The following CELF2 variants were observed in gnomAD, a reference collection of about 807,000 sequenced individuals.
CELF2 encodes the protein CUGBP Elav-like family member 2, also known as CUG triplet repeat RNA-binding protein 2.
A neutral mutation model predicts 62.6 loss-of-function variants in CELF2; 8 were observed. That is an observed-to-expected ratio of 0.13 (90% CI 0.07 to 0.23). The LOEUF is 0.23. Among genes scored for constraint, CELF2 ranks in the 10% least tolerant of loss-of-function variants. The pLI, the probability that CELF2 is intolerant of heterozygous loss-of-function variation, is 1.00. For synonymous variants in CELF2, 258 were observed against 250.0 expected, an observed-to-expected ratio of 1.03 and a Z score of -0.30; for missense variants, 333 against 671.0, an observed-to-expected ratio of 0.50 and a Z score of 5.56.
chr10:10,646,118 G>A, the CELF2 span, among the ~76,000 whole-genome samples: 3 of 152,206 alleles, frequency 2.0e-5, no homozygotes, highest in Non-Finnish European at 2.9e-5. Context: ...TACTAGGCAT[G>A]TGTTGGTCTG....
At position 11,247,452 on chromosome 10, in the gene CELF2, C is replaced by T. The variant is rs140745626; in HGVS notation, c.355-1701C>T. On this transcript the variant is annotated intron_variant, in intron 3 of 12. Coordinates refer to ENST00000633077, the MANE Select transcript of CELF2 (RefSeq NM_001326342.2). The surrounding 1 kb of genome is among the most constrained non-coding windows in gnomAD (Gnocchi z 5.4). The stretch of plus-strand genomic sequence containing the variant: ...GCCCAGATGCAGCCTTGGCTTTCCT[C>T]GCCAGGCAGGATTAAGTCCCACACC... Among the ~76,000 whole-genome samples, 256 of 152,334 alleles carry T rather than the reference C, an allele frequency of 1.7e-3. 2 individuals are homozygous for T. Among genetic ancestry groups the T allele is most frequent in the African/African-American group, 5.7e-3 (237 of 41,574 alleles).
Position 11,260,903 on chromosome 10 carries a change from G to C in CELF2, c.538+3031G>C, listed in dbSNP as rs937273216. On this transcript the variant is annotated intron_variant, in intron 5 of 12. Coordinates refer to ENST00000633077, the MANE Select transcript of CELF2 (RefSeq NM_001326342.2). The surrounding 1 kb of genome is among the most constrained non-coding windows in gnomAD (Gnocchi z 4.2). ...ATGCTACCATTTTGCTTTCATTAAA[G>C]AATTGCAGTTTTGAATCAAATATTA... is the stretch of plus-strand genomic sequence containing the variant. Among the ~76,000 whole-genome samples the C allele has an allele frequency of 6.6e-6, 1 of 152,138 alleles. No individual in the cohort carries two copies. The highest frequency in any genetic ancestry group is 6.5e-5 in the Admixed American group (1 of 15,272).
intron 1 of CELF2, among the ~76,000 whole-genome samples, chr10:11,078,258 G>T (rs970386052): frequency 6.6e-6 from 1 of 151,646 alleles, no homozygotes; most frequent in South Asian, 2.1e-4. Context: ...GTGGTGGGGG[G>T]CGGAATGTAT....
the CELF2 span, among the ~76,000 whole-genome samples, chr10:10,502,748 T>G: frequency 6.6e-6 from 1 of 151,938 alleles, no homozygotes; most frequent in Non-Finnish European, 1.5e-5. Context: ...TTTAATGATT[T>G]CTGCTCTTTA....
rs563832600 is a variant in CELF2, at chr10:11,149,065, G to T, written c.75-16421G>T. 9.2e-5 allele frequency among the ~76,000 whole-genome samples: 14 copies of T among 152,182 alleles called. No individual in the cohort carries two copies. The East Asian group carries it at 2.7e-3, about 29-fold the overall frequency. On this transcript the variant is annotated intron_variant, in intron 1 of 12. Transcript: ENST00000633077. ...TCCCTGCCACCACACTGGCATTATT[G>T]ACAGGTGTTTTTTTTTCTTTCCCAA...
chr10:11,054,469 AAAC>A (rs2064707469), intron 1 of CELF2, among the ~76,000 whole-genome samples: 1 of 144,158 alleles, frequency 6.9e-6, no homozygotes, highest in Non-Finnish European at 1.5e-5. Context: ...TTAAAGAAGA[AAAC>A]AACTGTGTAT....
At chr10:10,619,953 G>A in the CELF2 span, among the ~76,000 whole-genome samples, 1 of 152,108 alleles carries the variant, frequency 6.6e-6, no homozygotes, top group African/African-American at 2.4e-5. Context: ...GCCCTAAGAG[G>A]TAAAATGGCT....
At chr10:10,544,709 C>A in the CELF2 span, among the ~76,000 whole-genome samples, 1 of 152,160 alleles carries the variant, frequency 6.6e-6, no homozygotes, top group Non-Finnish European at 1.5e-5. Context: ...ACCACTGTTA[C>A]CAACTTCCCA....
chr10:11,013,505 C>G (rs1388168438), upstream of CELF2, among the ~76,000 whole-genome samples: 2 of 152,074 alleles, frequency 1.3e-5, no homozygotes, highest in Admixed American at 1.3e-4. This position sits in a 1 kb window ranked among gnomAD's most constrained non-coding sequence, Gnocchi z 4.1. Context: ...TTGAAGGCCT[C>G]TTCACAAGGG....
upstream of CELF2, among the ~76,000 whole-genome samples, chr10:11,015,456 C>G (rs1408974897): frequency 6.6e-6 from 1 of 152,166 alleles, no homozygotes; most frequent in Non-Finnish European, 1.5e-5. The surrounding 1 kb of genome is among the most constrained non-coding windows in gnomAD (Gnocchi z 4.8). Flanking sequence ...CCTCTGGTAT[C>G]TACATCAAGT....
At chr10:10,694,262 G>T in the CELF2 span, among the ~76,000 whole-genome samples, 1 of 151,918 alleles carries the variant, frequency 6.6e-6, no homozygotes, top group African/African-American at 2.4e-5. Context: ...CCTTCATTTC[G>T]TTGTGTACCC....
At chr10:10,654,434 A>G in the CELF2 span, among the ~76,000 whole-genome samples, 2 of 112,560 alleles carry the variant, frequency 1.8e-5, 1 homozygote, top group African/African-American at 6.6e-5. Flanking sequence ...ATTTTAGACC[A>G]ATATCCTTGA....
chr10:11,022,763 A>G (rs971892474), intron 1 of CELF2, among the ~76,000 whole-genome samples: 6 of 152,186 alleles, frequency 3.9e-5, no homozygotes, highest in African/African-American at 1.4e-4. Flanking sequence ...AGCGCCCAAT[A>G]TGACCCAGCT....
At position 11,044,034 on chromosome 10, in the gene CELF2, T is replaced by C. The variant is rs115626965; in HGVS notation, c.74+25871T>C. Among the ~76,000 whole-genome samples the C allele has an allele frequency of 7.4e-3, 1,128 of 152,304 alleles. 9 individuals carry two copies. The highest frequency in any genetic ancestry group is 0.025 in the African/African-American group (1,027 of 41,540). On this transcript the variant is annotated intron_variant, in intron 1 of 12. Coordinates refer to ENST00000633077, the MANE Select transcript of CELF2 (RefSeq NM_001326342.2). Reference sequence around the variant, plus strand: ...TCGCTCTTCTCTCTGCCCTGAACCCTCTTCCCTCAGTTGTGGGCACGGCCT... The same window carrying C: ...TCGCTCTTCTCTCTGCCCTGAACCCCCTTCCCTCAGTTGTGGGCACGGCCT...
the CELF2 span, among the ~76,000 whole-genome samples, chr10:10,669,020 T>G: frequency 6.6e-6 from 1 of 152,248 alleles, no homozygotes; most frequent in Middle Eastern, 3.4e-3. Flanking sequence ...TGAATATTAG[T>G]TGGTTTGTCC....
At position 11,332,162 on chromosome 10, in the gene CELF2, A is replaced by G. The variant is rs1474459493; in HGVS notation, c.*3109A>G. On this transcript the variant is annotated 3_prime_UTR_variant, in exon 13 of 13. Transcript: ENST00000633077. ...AGTAATTGGATAAACCCTGAGGGAA[A>G]ACGGAGGTAGATTCAGCACCTAACA... is the stretch of plus-strand genomic sequence containing the variant. 1 of 152,230 alleles carries G rather than the reference A, an allele frequency of 6.6e-6. No homozygotes were observed. The highest frequency in any genetic ancestry group is 1.5e-5 in the Non-Finnish European group (1 of 68,032). 9.4% of individuals were successfully genotyped at this position (152,230 alleles called of 1,614,324 possible).
At chr10:10,523,435 G>A in the CELF2 span, among the ~76,000 whole-genome samples, 2 of 152,130 alleles carry the variant, frequency 1.3e-5, no homozygotes, top group East Asian at 3.9e-4. Flanking sequence ...CAGTCAGGAG[G>A]TGACCTGTCA....
chr10:10,497,205 AGAT>A, the CELF2 span, among the ~76,000 whole-genome samples: 1 of 129,418 alleles, frequency 7.7e-6, no homozygotes. Context: ...AAAAAAAAAA[AGAT>A]AAAAAGAAAA....
the CELF2 span, among the ~76,000 whole-genome samples, chr10:10,578,188 A>T: frequency 6.6e-6 from 1 of 151,794 alleles, no homozygotes; most frequent in African/African-American, 2.4e-5. Context: ...CATATCCTTC[A>T]CCCACTTTTT....
Sources: allele counts gnomAD v4.1 joint callset (sites outside exome capture counted in the v4.1 genomes callset), GRCh38; gene constraint gnomAD v4.1.1; non-coding constraint Gnocchi (gnomAD v3.1); transcripts MANE v1.5; gene names NCBI Gene and HGNC (gene_info 2026-07-23, HGNC 2026-07-21).